Variants in LRCOL1 observed in about 807,000 individuals in gnomAD.
LRCOL1 encodes the protein leucine rich colipase like 1.
LRCOL1 carries 21 observed loss-of-function variants against 21.6 expected under a neutral mutation model. The ratio of observed to expected loss-of-function variants is 0.97; its 90% CI spans 0.69 to 1.40. LRCOL1 has a LOEUF of 1.40. Ranked by LOEUF, LRCOL1 falls within the 40% of genes most tolerant of loss-of-function variation. The probability of loss-of-function intolerance (pLI) is 0.00; values close to 1 mark genes in which losing one functional copy is unlikely to be tolerated. For synonymous variants in LRCOL1, 98 were observed against 90.1 expected (o/e 1.09, Z -0.49); for missense variants, 198 against 202.3 (o/e 0.98, Z 0.13).
intron 1 of LRCOL1, among the ~76,000 whole-genome samples, chr12:132,608,284 T>G (rs35360794): frequency 0.66 from 99,966 of 152,046 alleles, 34,023 homozygotes; most frequent in African/African-American, 0.82. Flanking sequence ...CCCCACGTGA[T>G]CAGTCCCCGC....
chr12:132,603,753 T>G (rs1020577330), intron 5 of LRCOL1: 16 of 985,258 alleles, frequency 1.6e-5, no homozygotes, highest in Non-Finnish European at 1.8e-5. Context: ...CCACCGCGTT[T>G]GCGCCGCTGG....
chr12:132,605,956 T>C, intron 2 of LRCOL1, 191 bp downstream of exon 2: 1 of 601,890 alleles, frequency 1.7e-6, no homozygotes, highest in Non-Finnish European at 2.9e-6. Flanking sequence ...CAGCCGGGCG[T>C]GTGGCCAGGA....
In LRCOL1 at chr12:132,603,413, GAAGCCA is replaced by G; in HGVS notation, c.478-15_478-10del. ...GGTTCGAGCTCACATCACTGAAGGA[GAAGCCA>G]AAGCTGAGGAAACGTGCAGGGGACG... On this transcript the variant is annotated splice_polypyrimidine_tract_variant and intron_variant, in intron 5 of 5. Coordinates refer to ENST00000376608, the MANE Select transcript of LRCOL1 (RefSeq NM_001195520.2). The G allele has an allele frequency of 6.5e-7, 1 of 1,536,228 alleles. No homozygotes were observed. The highest frequency in any genetic ancestry group is 8.7e-7 in the Non-Finnish European group (1 of 1,146,914).
At chr12:132,603,979 C>T in intron 5 of LRCOL1, 2 of 1,317,148 alleles carry the variant, frequency 1.5e-6, no homozygotes, top group South Asian at 1.9e-5. Context: ...GGTCCTGGGT[C>T]CCCCTCCCCG....
intron 1 of LRCOL1, among the ~76,000 whole-genome samples, chr12:132,609,463 C>T (rs1487655486): frequency 6.6e-6 from 1 of 152,202 alleles, no homozygotes; most frequent in African/African-American, 2.4e-5. Flanking sequence ...CTTTGGGAGG[C>T]CAAGGTGGGC....
intron 1 of LRCOL1, among the ~76,000 whole-genome samples, chr12:132,607,226 G>A (rs1341891115): frequency 1.3e-5 from 2 of 152,178 alleles, no homozygotes; most frequent in African/African-American, 4.8e-5. Flanking sequence ...TCTTCCAGCC[G>A]GGCCCAGGCG....
chr12:132,608,402 C>G, intron 1 of LRCOL1, among the ~76,000 whole-genome samples: 1 of 152,232 alleles, frequency 6.6e-6, no homozygotes, highest in Non-Finnish European at 1.5e-5. Context: ...TTTTACCTCC[C>G]TCACAGGAAG....
chr12:132,607,033 C>T (rs921642285), intron 1 of LRCOL1, among the ~76,000 whole-genome samples: 1 of 152,204 alleles, frequency 6.6e-6, no homozygotes, highest in Non-Finnish European at 1.5e-5. Context: ...TGGGGTCCCT[C>T]CTGGAGGGGC....
In LRCOL1 at chr12:132,606,042, TG is replaced by T; in HGVS notation, c.105+104del. 9.6e-7 allele frequency: 1 copy of T among 1,036,606 alleles called. No homozygotes were observed. The highest frequency in any genetic ancestry group is 1.4e-6 in the Non-Finnish European group (1 of 713,544). 64.2% of individuals were successfully genotyped at this position (1,036,606 alleles called of 1,614,324 possible). On this transcript the variant is annotated intron_variant, in intron 2 of 5. Coordinates refer to ENST00000376608, the MANE Select transcript of LRCOL1 (RefSeq NM_001195520.2). This position sits in a 1 kb window ranked among gnomAD's most constrained non-coding sequence, Gnocchi z 4.6. ...CCTTTGAGACCCTCCTGACGGAAAG[TG>T]GCAGCCCTCGCGGGTGGGGACTGCA...
chr12:132,603,294 C>T lies in LRCOL1; in HGVS notation c.*108G>A, dbSNP rs1593646819. The T allele has an allele frequency of 1.3e-6, 2 of 1,482,006 alleles. No individual in the cohort carries two copies. The highest frequency in any genetic ancestry group is 1.4e-5 in the African/African-American group (1 of 71,788). 91.8% of individuals were successfully genotyped at this position (1,482,006 alleles called of 1,614,324 possible). A position where few individuals can be genotyped will look rare whatever the true frequency, so the allele number is the denominator to read the frequency against. On this transcript the variant is annotated 3_prime_UTR_variant, in exon 6 of 6. Coordinates refer to ENST00000376608, the MANE Select transcript of LRCOL1 (RefSeq NM_001195520.2). ...ATTTTCAGAGCCCCAGAAACAGCAG[C>T]ACAAACCGTAAGGGAAGCTTCCGCT...
rs1193005739 is a variant in LRCOL1 at position 132,604,291 on chromosome 12, A to T, written c.440T>A (p.Ile147Asn). 1.3e-6 allele frequency: 2 copies of T among 1,535,438 alleles called. No homozygotes were observed. Among genetic ancestry groups the T allele is most frequent in the Non-Finnish European group, 8.7e-7 (1 of 1,146,754 alleles). The stretch of plus-strand genomic sequence containing the variant: ...CTGGGCCAGGATCCCGGTCCGGGGA[A>T]TGCAGCGGAAGGGGCTGTACTCCCT... ...QLREYSPFRC[I>N]PRTGILAQCL... The change falls in exon 5 of 6, where the codon ATT becomes AAT. Residue 147 changes from isoleucine to asparagine, a missense_variant. By Grantham distance (149) the Ile-to-Asn change is moderately radical. Coordinates refer to ENST00000376608, the MANE Select transcript of LRCOL1 (RefSeq NM_001195520.2).
rs867051949 is a variant in LRCOL1, at chr12:132,606,622, G to A, written c.-13-358C>T. 5.3e-5 allele frequency among the ~76,000 whole-genome samples: 8 copies of A among 152,112 alleles called. No individual in the cohort carries two copies. In the South Asian group the frequency reaches 6.2e-4, roughly 12 times the overall value. On this transcript the variant is annotated intron_variant, in intron 1 of 5. Transcript: ENST00000376608. The surrounding 1 kb of genome is among the most constrained non-coding windows in gnomAD (Gnocchi z 4.6). Reference sequence around the variant, plus strand: ...GCCTGCTGCGGGTTTGGGTGAGTGCGTTCTCATAACTGCCATTTCAGTATC... The same window carrying A: ...GCCTGCTGCGGGTTTGGGTGAGTGCATTCTCATAACTGCCATTTCAGTATC...
At chr12:132,607,627 C>G (rs915332123) in intron 1 of LRCOL1, among the ~76,000 whole-genome samples, 1 of 150,768 alleles carries the variant, frequency 6.6e-6, no homozygotes. Flanking sequence ...CTCTGTCTCT[C>G]CCTCTGTCTC....
intron 5 of LRCOL1, chr12:132,603,622 TGGTGGTACCCGAGGGC>T (rs2041256480): frequency 3.3e-5 from 3 of 92,168 alleles, no homozygotes; most frequent in African/African-American, 5.1e-4. Context: ...CGAGGGCGCC[TGGTGGTACCCGAGGGC>T]GCCTGGTGGT....
intron 1 of LRCOL1, among the ~76,000 whole-genome samples, chr12:132,609,550 A>T (rs934366213): frequency 6.6e-6 from 1 of 152,174 alleles, no homozygotes; most frequent in African/African-American, 2.4e-5. Flanking sequence ...ATACAAAATT[A>T]GCTGGGTGTG....
At chr12:132,610,161 G>A (rs184338298) in intron 1 of LRCOL1, among the ~76,000 whole-genome samples, 162 bp downstream of exon 1, 1 of 152,196 alleles carries the variant, frequency 6.6e-6, no homozygotes, top group Admixed American at 6.5e-5. Context: ...CCGGCCGAGG[G>A]CAGAGCTGGT....
intron 5 of LRCOL1, 153 bp from the exon 6 acceptor site, chr12:132,603,557 G>A (rs548172224): frequency 6.1e-6 from 6 of 985,234 alleles, no homozygotes; most frequent in East Asian, 1.1e-4. Context: ...CGCTCAGCTC[G>A]CGAGAGGGAC....
At chr12:132,603,573 CG>C in intron 5 of LRCOL1, 169 bp from the exon 6 acceptor site, 2 of 985,040 alleles carry the variant, frequency 2.0e-6, no homozygotes, top group Non-Finnish European at 2.4e-6. Flanking sequence ...GGGACGCCCA[CG>C]AGCCGCGCCA....
At chr12:132,605,715 C>G (rs1323607257) in intron 2 of LRCOL1, 1 of 152,082 alleles carries the variant, frequency 6.6e-6, no homozygotes, top group South Asian at 2.0e-4. Flanking sequence ...GGCGACAGAG[C>G]GAGGCTTCAT....
Sources: gnomAD v4.1 joint callset for allele counts (sites outside exome capture counted in the v4.1 genomes callset) on GRCh38, gnomAD v4.1.1 for gene constraint, Gnocchi (gnomAD v3.1) non-coding constraint, MANE v1.5 for transcripts, NCBI Gene and HGNC (gene_info 2026-07-23, HGNC 2026-07-21) for gene names.